The following CD200R1 variants were observed in gnomAD, a reference collection of about 807,000 sequenced individuals.
The protein encoded by CD200R1 is cell surface glycoprotein CD200 receptor 1.
A neutral mutation model predicts 38.1 loss-of-function variants in CD200R1; 30 were observed. The ratio of observed to expected loss-of-function variants is 0.79; its 90% CI spans 0.59 to 1.07. CD200R1 has a LOEUF of 1.07. Among genes scored for constraint, CD200R1 ranks in the 50% least tolerant of loss-of-function variants. The pLI, the probability that CD200R1 is intolerant of heterozygous loss-of-function variation, is 0.00. For synonymous variants in CD200R1, 128 were observed against 152.1 expected (o/e 0.84, Z 1.16); for missense variants, 372 against 415.4 (o/e 0.90, Z 0.91).
Position 112,974,892 on chromosome 3 carries a change from C to A in CD200R1, c.-35G>T. The A allele has an allele frequency of 6.4e-7, 1 of 1,568,258 alleles. No individual in the cohort carries two copies. The highest frequency in any genetic ancestry group is 1.1e-5 in the South Asian group (1 of 89,842). The stretch of plus-strand genomic sequence containing the variant: ...CTCTTTTTCTGCCCTTCACTCAGTA[C>A]TTTTCCTCCACACAGGTACAGAAGG... On this transcript the variant is annotated 5_prime_UTR_variant, in exon 1 of 8. Transcript: ENST00000308611.
chr3:112,931,127 A>T lies in CD200R1; in HGVS notation c.181T>A (p.Tyr61Asn), dbSNP rs1438405860. 1.2e-6 allele frequency: 2 copies of T among 1,610,636 alleles called. No homozygotes were observed. Among genetic ancestry groups the T allele is most frequent in the Non-Finnish European group, 1.7e-6 (2 of 1,176,800 alleles). Residue 61 changes from tyrosine (Y) to asparagine (N), a missense_variant, in exon 3 of 8, where the codon TAC becomes AAC. By Grantham distance (143) the Tyr-to-Asn change is moderately radical. Coordinates refer to ENST00000308611, the MANE Select transcript of CD200R1 (RefSeq NM_138806.4). ...CMDEKQITQN[Y>N]SKVLAEVNTS... ...TTACCTTCTGCGAGTACTTTCGAGTAGTTCTGTGTAATCTGTTTTTCATCC... is the reference window on the plus strand; with the variant it reads ...TTACCTTCTGCGAGTACTTTCGAGTTGTTCTGTGTAATCTGTTTTTCATCC...
chr3:112,949,624 T>G (rs1284777069), intron 1 of CD200R1, among the ~76,000 whole-genome samples: 1 of 152,248 alleles, frequency 6.6e-6, no homozygotes, highest in Non-Finnish European at 1.5e-5. Flanking sequence ...CAAGTAAGTC[T>G]TACTGCTATG....
chr3:112,955,510 ATT>A (rs34465843), intron 1 of CD200R1, among the ~76,000 whole-genome samples: 23 of 136,702 alleles, frequency 1.7e-4, no homozygotes, highest in East Asian at 4.2e-4. Context: ...CTCTCTTCAC[ATT>A]TTTTTTTTTT....
chr3:112,952,530 G>A (rs1020007907), intron 1 of CD200R1, among the ~76,000 whole-genome samples: 7 of 151,880 alleles, frequency 4.6e-5, no homozygotes, highest in East Asian at 1.9e-4. Context: ...GTAAACTATC[G>A]CAAGAACAAA....
chr3:112,936,130 T>C (rs1467149784), intron 2 of CD200R1, among the ~76,000 whole-genome samples: 1 of 152,244 alleles, frequency 6.6e-6, no homozygotes, highest in Non-Finnish European at 1.5e-5. Context: ...GCAAAGGACA[T>C]GAACTCATCT....
intron 1 of CD200R1, among the ~76,000 whole-genome samples, chr3:112,964,337 C>T (rs1933102930): frequency 6.6e-6 from 1 of 152,214 alleles, no homozygotes; most frequent in East Asian, 1.9e-4. Context: ...GTAAAGGTCA[C>T]AGACACTCAA....
chr3:112,963,092 T>A (rs1444275030), intron 1 of CD200R1, among the ~76,000 whole-genome samples: 2 of 152,222 alleles, frequency 1.3e-5, no homozygotes, highest in Non-Finnish European at 2.9e-5. Flanking sequence ...CCATGTAAGA[T>A]GTGCCTTTCA....
chr3:112,963,063 T>A (rs1373492436), intron 1 of CD200R1, among the ~76,000 whole-genome samples: 1 of 152,186 alleles, frequency 6.6e-6, no homozygotes, highest in Non-Finnish European at 1.5e-5. Flanking sequence ...CTGCACAAGC[T>A]CTCTTCTCTT....
At chr3:112,952,697 T>A (rs1268136769) in intron 1 of CD200R1, among the ~76,000 whole-genome samples, 1 of 151,976 alleles carries the variant, frequency 6.6e-6, no homozygotes, top group Non-Finnish European at 1.5e-5. Context: ...CATGACGAGT[T>A]AGTGGGTGCA....
chr3:112,940,396 ATATT>A (rs1344300748), intron 2 of CD200R1, among the ~76,000 whole-genome samples: 1 of 152,018 alleles, frequency 6.6e-6, no homozygotes, highest in African/African-American at 2.4e-5. Flanking sequence ...ATGGGATAAA[ATATT>A]TGTAAAATAT....
intron 1 of CD200R1, among the ~76,000 whole-genome samples, chr3:112,962,134 T>C (rs1007508566): frequency 6.6e-5 from 10 of 152,226 alleles, no homozygotes; most frequent in African/African-American, 2.2e-4. Context: ...GTATTGCTAA[T>C]AAAAGCCATC....
In CD200R1 at chr3:112,922,069, GA is replaced by G. The variant is rs1293554964; in HGVS notation, c.*1607del. On this transcript the variant is annotated 3_prime_UTR_variant, in exon 8 of 8. Transcript: ENST00000308611. ...CTTTTTGGTCAAGTCAAAATGGCTT[GA>G]TCAAAATATCATGTGCCAAGTGTCA... 6.6e-6 allele frequency: 1 copy of G among 151,914 alleles called. No individual in the cohort carries two copies. Among genetic ancestry groups the G allele is most frequent in the Non-Finnish European group, 1.5e-5 (1 of 67,928 alleles). 9.4% of individuals were successfully genotyped at this position (151,914 alleles called of 1,614,324 possible).
intron 1 of CD200R1, among the ~76,000 whole-genome samples, chr3:112,967,556 T>G (rs1223319175): frequency 6.6e-6 from 1 of 152,218 alleles, no homozygotes; most frequent in Non-Finnish European, 1.5e-5. Flanking sequence ...AGATTTAAAT[T>G]CCATGAGAGC....
intron 2 of CD200R1, among the ~76,000 whole-genome samples, chr3:112,938,339 T>G (rs1325909925): frequency 6.6e-6 from 1 of 151,072 alleles, no homozygotes; most frequent in African/African-American, 2.4e-5. Context: ...GTAAAAAGAT[T>G]AACATAATTG....
intron 1 of CD200R1, among the ~76,000 whole-genome samples, chr3:112,953,821 G>A (rs910703175): frequency 6.6e-6 from 1 of 151,946 alleles, no homozygotes; most frequent in Non-Finnish European, 1.5e-5. Context: ...TTTTATGGAT[G>A]TGAGTCTCTC....
rs1940178586 is a variant in CD200R1 at position 112,921,949 on chromosome 3, T to C, written c.*1728A>G. On this transcript the variant is annotated 3_prime_UTR_variant, in exon 8 of 8. Transcript: ENST00000308611. ...CTATGAGCCTCAGCTCAACCAGGGTTGGATGAAGAATTAATAAATTTCAAG... is the reference window on the plus strand; with the variant it reads ...CTATGAGCCTCAGCTCAACCAGGGTCGGATGAAGAATTAATAAATTTCAAG... 1.3e-5 allele frequency: 2 copies of C among 152,190 alleles called. No individual in the cohort carries two copies. Among genetic ancestry groups the C allele is most frequent in the South Asian group, 4.1e-4 (2 of 4,832 alleles). The allele number at this position is 152,190 out of a possible 1,614,324, so 9.4% of individuals were successfully genotyped here.
chr3:112,930,768 T>C (rs1219313400), intron 3 of CD200R1, among the ~76,000 whole-genome samples: 1 of 152,252 alleles, frequency 6.6e-6, no homozygotes, highest in African/African-American at 2.4e-5. Context: ...GTCTCTTACA[T>C]GGTTTGTACT....
intron 1 of CD200R1, among the ~76,000 whole-genome samples, chr3:112,967,244 A>G (rs984287677): frequency 2.0e-5 from 3 of 152,008 alleles, no homozygotes; most frequent in Non-Finnish European, 2.9e-5. Flanking sequence ...CTTGAACTTC[A>G]ACTAGATCTC....
chr3:112,938,296 T>A (rs1224638361), intron 2 of CD200R1, among the ~76,000 whole-genome samples: 1 of 152,130 alleles, frequency 6.6e-6, no homozygotes, highest in African/African-American at 2.4e-5. Context: ...CTTCTAGTTT[T>A]TGCCCATTCA....
Sources: allele counts gnomAD v4.1 joint callset (sites outside exome capture counted in the v4.1 genomes callset), GRCh38; gene constraint gnomAD v4.1.1; transcripts MANE v1.5; gene names NCBI Gene and HGNC (gene_info 2026-07-23, HGNC 2026-07-21).